ASAP1: variants seen among roughly 807,000 people sequenced by gnomAD.
ASAP1 encodes the protein arf-GAP with SH3 domain, ANK repeat and PH domain-containing protein 1.
Under a neutral mutation model 145.2 loss-of-function variants are expected in ASAP1, and 43 were observed. The ratio of observed to expected loss-of-function variants is 0.30; its 90% CI spans 0.23 to 0.38. The LOEUF (loss-of-function observed/expected upper bound fraction) is 0.38, where lower values mean the gene tolerates loss of function less well. Ranked by LOEUF, ASAP1 falls within the 10% of genes least tolerant of loss-of-function variation. The probability of loss-of-function intolerance (pLI) is 1.00; values close to 1 mark genes in which losing one functional copy is unlikely to be tolerated. For missense variants in ASAP1, 1,018 were observed against 1,355.3 expected, an observed-to-expected ratio of 0.75 and a Z score of 3.91; for synonymous variants, 546 against 515.5, an observed-to-expected ratio of 1.06 and a Z score of -0.80.
intron 3 of ASAP1, among the ~76,000 whole-genome samples, chr8:130,338,708 G>A (rs753755933): frequency 6.6e-5 from 10 of 152,136 alleles, no homozygotes; most frequent in Non-Finnish European, 1.5e-4. Context: ...GACATCTGTG[G>A]GCCTGGTTTC....
Position 130,438,631 on chromosome 8 carries a change from A to G in ASAP1, c.-28+4829T>C, listed in dbSNP as rs143396281. Among the ~76,000 whole-genome samples the G allele has an allele frequency of 2.7e-3, 417 of 152,194 alleles. 1 individual carries two copies. Among genetic ancestry groups the G allele is most frequent in the African/African-American group, 9.5e-3 (395 of 41,524 alleles). ...GTAGAGGGTTTGCATGGGTTGGTAA[A>G]TTTAATTTTTTTCAAGAGGCTGGGT... On this transcript the variant is annotated intron_variant, in intron 1 of 29. Coordinates refer to ENST00000518721, the MANE Select transcript of ASAP1 (RefSeq NM_018482.4).
intron 5 of ASAP1, among the ~76,000 whole-genome samples, chr8:130,190,395 T>A (rs1006275537): frequency 2.6e-5 from 4 of 152,232 alleles, no homozygotes; most frequent in Non-Finnish European, 4.4e-5. Flanking sequence ...CCAGCACCAT[T>A]TATTGAAGAG....
At chr8:130,386,971 C>A (rs1828047511) in intron 2 of ASAP1, 1 of 152,194 alleles carries the variant, frequency 6.6e-6, no homozygotes, top group African/African-American at 2.4e-5. Context: ...TTGCAGAGAA[C>A]CCCTTTCAGG....
intron 27 of ASAP1, among the ~76,000 whole-genome samples, chr8:130,075,899 T>C (rs2097461269): frequency 6.6e-6 from 1 of 152,208 alleles, no homozygotes; most frequent in South Asian, 2.1e-4. Flanking sequence ...CTGGGGACTT[T>C]CTGAAACATG....
chr8:130,427,714 T>C (rs764915118), intron 1 of ASAP1: 9 of 152,210 alleles, frequency 5.9e-5, no homozygotes, highest in Non-Finnish European at 1.2e-4. Flanking sequence ...ACACTATCTC[T>C]AAGACATGGA....
chr8:130,366,886 C>CTTTTTTTTTTTTT (rs905755447), intron 2 of ASAP1, among the ~76,000 whole-genome samples: 15 of 99,194 alleles, frequency 1.5e-4, no homozygotes, highest in East Asian at 2.8e-4. Flanking sequence ...TGCTAGATTC[C>CTTTTTTTTTTTTT]TTTTTTTTTT....
intron 4 of ASAP1, among the ~76,000 whole-genome samples, chr8:130,235,015 T>A (rs957770197): frequency 6.6e-6 from 1 of 152,174 alleles, no homozygotes; most frequent in Admixed American, 6.5e-5. Flanking sequence ...AGATGGTCTC[T>A]CCTTTTGTCC....
intron 3 of ASAP1, among the ~76,000 whole-genome samples, chr8:130,331,610 C>G (rs905164889): frequency 6.6e-6 from 1 of 152,108 alleles, no homozygotes; most frequent in Non-Finnish European, 1.5e-5. Flanking sequence ...AATAGGACGT[C>G]CACCCACATC....
At chr8:130,409,408 A>G (rs1397328418) in intron 1 of ASAP1, among the ~76,000 whole-genome samples, 1 of 152,056 alleles carries the variant, frequency 6.6e-6, no homozygotes, top group East Asian at 1.9e-4. Flanking sequence ...CTGCCTCCCT[A>G]CCAACCCTGA....
chr8:130,126,247 C>T (rs950008603), intron 16 of ASAP1, among the ~76,000 whole-genome samples, 158 bp from the exon 17 acceptor site: 7 of 152,194 alleles, frequency 4.6e-5, no homozygotes, highest in African/African-American at 1.7e-4. Context: ...CTAGGGGCTA[C>T]CATAAAAGTT....
chr8:130,077,418 C>G (rs926344384), intron 26 of ASAP1, among the ~76,000 whole-genome samples: 1 of 152,148 alleles, frequency 6.6e-6, no homozygotes, highest in African/African-American at 2.4e-5. Flanking sequence ...AGGAGGCCTG[C>G]ATGCCTGAGA....
chr8:130,362,744 G>C (rs1826776567), intron 2 of ASAP1, among the ~76,000 whole-genome samples: 1 of 152,156 alleles, frequency 6.6e-6, no homozygotes, highest in Non-Finnish European at 1.5e-5. Flanking sequence ...TCCTTTGTTA[G>C]GTCAGATGCA....
intron 2 of ASAP1, among the ~76,000 whole-genome samples, chr8:130,359,730 TCTC>T (rs1373553180): frequency 6.6e-6 from 1 of 151,614 alleles, no homozygotes; most frequent in Non-Finnish European, 1.5e-5. Flanking sequence ...TTCACGCCAT[TCTC>T]CTGCCTCAGC....
chr8:130,443,658 G>A lies in ASAP1; in HGVS notation c.-226C>T, dbSNP rs1275853637. Reference sequence around the variant, plus strand: ...GCGGGAGCCGAGCGCGGCGCAGGAAGGGGCGGGCGACCATGTGCCGAGGGG... The same window carrying A: ...GCGGGAGCCGAGCGCGGCGCAGGAAAGGGCGGGCGACCATGTGCCGAGGGG... On this transcript the variant is annotated 5_prime_UTR_variant, in exon 1 of 30. Coordinates refer to ENST00000518721, the MANE Select transcript of ASAP1 (RefSeq NM_018482.4). The A allele has an allele frequency of 6.6e-6, 1 of 152,064 alleles. No homozygotes were observed. The highest frequency in any genetic ancestry group is 1.9e-4 in the East Asian group (1 of 5,192). 9.4% of individuals were successfully genotyped at this position (152,064 alleles called of 1,614,324 possible).
rs371314814 is a variant in ASAP1 at position 130,357,904 on chromosome 8, G to A, written c.186+113C>T. The A allele has an allele frequency of 5.9e-5, 83 of 1,410,712 alleles. 1 individual carries two copies. In the East Asian group the frequency reaches 6.5e-4, roughly 11 times the overall value. 87.4% of individuals were successfully genotyped at this position (1,410,712 alleles called of 1,614,324 possible). ...TTATTCACCCGGCGGCTCCCTGAGG[G>A]GGTGTGGCGCCCCCGGCCCCCGCGT... is the stretch of plus-strand genomic sequence containing the variant. On this transcript the variant is annotated intron_variant, in intron 3 of 29. Transcript: ENST00000518721.
intron 15 of ASAP1, among the ~76,000 whole-genome samples, chr8:130,133,658 G>A (rs979514092): frequency 3.4e-5 from 5 of 147,988 alleles, no homozygotes; most frequent in South Asian, 2.1e-4. Context: ...GCGAGACTCC[G>A]TCTCAAAAAC....
At chr8:130,229,208 C>T (rs1013283814) in intron 4 of ASAP1, among the ~76,000 whole-genome samples, 5 of 152,166 alleles carry the variant, frequency 3.3e-5, no homozygotes, top group South Asian at 2.1e-4. Flanking sequence ...TCTTGCTAAA[C>T]GCTTAATTGG....
At chr8:130,347,065 T>C (rs1192349059) in intron 3 of ASAP1, among the ~76,000 whole-genome samples, 2 of 152,212 alleles carry the variant, frequency 1.3e-5, no homozygotes, top group Non-Finnish European at 2.9e-5. Flanking sequence ...GGCTCTGTTA[T>C]TTAACACTGA....
intron 3 of ASAP1, among the ~76,000 whole-genome samples, chr8:130,258,696 T>C (rs1819714635): frequency 6.6e-6 from 1 of 152,184 alleles, no homozygotes; most frequent in Non-Finnish European, 1.5e-5. Context: ...TGGTACATAG[T>C]AGGTGCTCAA....
Sources: gnomAD v4.1 joint callset for allele counts (sites outside exome capture counted in the v4.1 genomes callset) on GRCh38, gnomAD v4.1.1 for gene constraint, MANE v1.5 for transcripts, NCBI Gene and HGNC (gene_info 2026-07-23, HGNC 2026-07-21) for gene names.